The following PLEKHH2 variants were observed in gnomAD, a reference collection of about 807,000 sequenced individuals.
PLEKHH2 encodes the protein pleckstrin homology domain-containing family H member 2.
Under a neutral mutation model 187.9 loss-of-function variants are expected in PLEKHH2, and 129 were observed. The ratio of observed to expected loss-of-function variants is 0.69; its 90% CI spans 0.59 to 0.79. The LOEUF is 0.79. PLEKHH2 is among the 30% of genes least tolerant of loss of function. PLEKHH2 has a pLI of 0.00. For missense variants in PLEKHH2, 2,076 were observed against 1,751.2 expected (o/e 1.19, Z -3.31); for synonymous variants, 686 against 605.6 (o/e 1.13, Z -1.95).
intron 2 of PLEKHH2, among the ~76,000 whole-genome samples, chr2:43,674,991 A>C (rs112807483): frequency 0.01 from 1,546 of 152,112 alleles, 32 homozygotes; most frequent in African/African-American, 0.035. Context: ...TTTCAAAAAA[A>C]AAAAAAAATG....
intron 2 of PLEKHH2, among the ~76,000 whole-genome samples, chr2:43,678,427 A>C (rs920568378): frequency 6.6e-6 from 1 of 152,212 alleles, no homozygotes; most frequent in Admixed American, 6.5e-5. Context: ...ACCATTGAGC[A>C]CTGAGTGAAC....
chr2:43,743,073 C>G (rs192447159), intron 22 of PLEKHH2, among the ~76,000 whole-genome samples, 155 bp downstream of exon 22: 1 of 152,180 alleles, frequency 6.6e-6, no homozygotes, highest in African/African-American at 2.4e-5. Flanking sequence ...AGTTTTGAAA[C>G]AGTTTTGCTA....
intron 11 of PLEKHH2, among the ~76,000 whole-genome samples, chr2:43,708,484 C>T (rs1040620239): frequency 2.6e-5 from 4 of 152,196 alleles, no homozygotes; most frequent in African/African-American, 9.7e-5. Context: ...CATCAGCAAA[C>T]GCTGCTTTCT....
At position 43,762,406 on chromosome 2, in the gene PLEKHH2, C is replaced by G; in HGVS notation, c.4158+16C>G. The G allele has an allele frequency of 1.3e-6, 2 of 1,561,580 alleles. No homozygotes were observed. Among genetic ancestry groups the G allele is most frequent in the Non-Finnish European group, 1.8e-6 (2 of 1,132,510 alleles). On this transcript the variant is annotated intron_variant, in intron 28 of 29. Transcript: ENST00000282406. Reference sequence around the variant, plus strand: ...CAACTCCATGGTAAGTTTAAACGCTCAAGTTTTGCATTAAGTCAACTGTTT... The same window carrying G: ...CAACTCCATGGTAAGTTTAAACGCTGAAGTTTTGCATTAAGTCAACTGTTT...
intron 3 of PLEKHH2, among the ~76,000 whole-genome samples, chr2:43,691,563 C>T (rs1001611011): frequency 1.3e-5 from 2 of 152,196 alleles, no homozygotes; most frequent in African/African-American, 2.4e-5. Flanking sequence ...CAAGGATTTA[C>T]CAGGGACTGT....
intron 17 of PLEKHH2, 99 bp from the exon 18 acceptor site, chr2:43,729,538 C>A: frequency 1.5e-6 from 1 of 675,258 alleles, no homozygotes; most frequent in Non-Finnish European, 2.3e-6. Context: ...GCAAGTGGTT[C>A]ATTTCCATCT....
intron 2 of PLEKHH2, among the ~76,000 whole-genome samples, chr2:43,655,843 C>A (rs1345750937): frequency 6.6e-6 from 1 of 152,036 alleles, no homozygotes; most frequent in Non-Finnish European, 1.5e-5. Flanking sequence ...ATATTAGATG[C>A]ATTTTCATGA....
At chr2:43,757,895 A>G (rs908985397) in intron 26 of PLEKHH2, among the ~76,000 whole-genome samples, 2 of 152,202 alleles carry the variant, frequency 1.3e-5, no homozygotes, top group South Asian at 2.1e-4. Context: ...TTTATGAAGT[A>G]CATACCAAAA....
At chr2:43,683,890 G>C (rs1668365740) in intron 3 of PLEKHH2, among the ~76,000 whole-genome samples, 2 of 151,972 alleles carry the variant, frequency 1.3e-5, no homozygotes, top group Non-Finnish European at 2.9e-5. Flanking sequence ...TTTTAGAGCA[G>C]TTTCAGATTT....
chr2:43,678,345 C>A (rs982017813), intron 2 of PLEKHH2, among the ~76,000 whole-genome samples: 5 of 152,120 alleles, frequency 3.3e-5, no homozygotes, highest in African/African-American at 4.8e-5. Context: ...GCACTTTGGG[C>A]GGCCAAGGCA....
chr2:43,695,080 A>G (rs1669021336), intron 5 of PLEKHH2, 63 bp from the exon 6 acceptor site: 1 of 831,468 alleles, frequency 1.2e-6, no homozygotes, highest in Non-Finnish European at 1.7e-6. Context: ...TAATATTATA[A>G]TTTATTAGTA....
At chr2:43,727,146 A>T (rs1456414232) in intron 17 of PLEKHH2, among the ~76,000 whole-genome samples, 1 of 152,096 alleles carries the variant, frequency 6.6e-6, no homozygotes, top group Non-Finnish European at 1.5e-5. Flanking sequence ...GGGTGCGGTG[A>T]CTCACGTCTG....
At position 43,738,526 on chromosome 2, in the gene PLEKHH2, T is replaced by C. The variant is rs907020913; in HGVS notation, c.3123+6T>C. 4 of 1,596,362 alleles carry C rather than the reference T, an allele frequency of 2.5e-6. No individual in the cohort carries two copies. Among genetic ancestry groups the C allele is most frequent in the Non-Finnish European group, 3.4e-6 (4 of 1,168,594 alleles). ...ATCAACCAGGACCATTGCAGGTAGA[T>C]ATTAATATTGATACATATACATGCA... On this transcript the variant is annotated splice_donor_region_variant and intron_variant, in intron 20 of 29. Transcript: ENST00000282406.
intron 17 of PLEKHH2, among the ~76,000 whole-genome samples, chr2:43,727,041 A>AAATAATTTCC (rs1670783949): frequency 1.3e-5 from 2 of 152,224 alleles, no homozygotes; most frequent in African/African-American, 4.8e-5. Flanking sequence ...CCAGAATTTA[A>AAATAATTTCC]AGAGTTAAAA....
intron 1 of PLEKHH2, among the ~76,000 whole-genome samples, chr2:43,638,248 A>C (rs1574456524): frequency 1.3e-5 from 2 of 148,872 alleles, no homozygotes; most frequent in Admixed American, 1.3e-4. Context: ...AAGATCTTTT[A>C]ACACACACAC....
At chr2:43,745,385 T>G (rs1671735328) in intron 23 of PLEKHH2, among the ~76,000 whole-genome samples, 1 of 152,132 alleles carries the variant, frequency 6.6e-6, no homozygotes, top group Non-Finnish European at 1.5e-5. Context: ...ATGCACTTAT[T>G]TTGCAAATGA....
chr2:43,693,014 A>G (rs1003227175), intron 4 of PLEKHH2, among the ~76,000 whole-genome samples: 1 of 152,162 alleles, frequency 6.6e-6, no homozygotes, highest in African/African-American at 2.4e-5. Flanking sequence ...GTCCACCCAC[A>G]ACCAACAGGT....
At chr2:43,727,008 T>G (rs1009854989) in intron 17 of PLEKHH2, among the ~76,000 whole-genome samples, 3 of 152,154 alleles carry the variant, frequency 2.0e-5, no homozygotes, top group African/African-American at 7.2e-5. Context: ...TATTTTCATC[T>G]CATACAGATA....
chr2:43,725,317 C>G (rs1035129028), intron 16 of PLEKHH2, among the ~76,000 whole-genome samples: 2 of 152,166 alleles, frequency 1.3e-5, no homozygotes, highest in African/African-American at 4.8e-5. Flanking sequence ...CTTTTAGCTT[C>G]TCTATCTTAG....
Sources: allele counts gnomAD v4.1 joint callset (sites outside exome capture counted in the v4.1 genomes callset), GRCh38; gene constraint gnomAD v4.1.1; transcripts MANE v1.5; gene names NCBI Gene and HGNC (gene_info 2026-07-23, HGNC 2026-07-21).